Variants in SV2C observed in about 807,000 individuals in gnomAD.
SV2C encodes synaptic vesicle glycoprotein 2C, also known as solute carrier family 22 member B3.
A neutral mutation model predicts 79.7 loss-of-function variants in SV2C; 49 were observed. That is an observed-to-expected ratio of 0.61 (90% CI 0.49 to 0.78). The LOEUF (loss-of-function observed/expected upper bound fraction) is 0.78, where lower values mean the gene tolerates loss of function less well. Ranked by LOEUF, SV2C falls within the 30% of genes least tolerant of loss-of-function variation. The probability of loss-of-function intolerance (pLI) is 0.00; values close to 1 mark genes in which losing one functional copy is unlikely to be tolerated. For missense variants in SV2C, 833 were observed against 912.9 expected (o/e 0.91, Z 1.13); for synonymous variants, 334 against 333.2 (o/e 1.00, Z -0.03).
chr5:75,866,632 A>C, the SV2C span, among the ~76,000 whole-genome samples: 9 of 152,344 alleles, frequency 5.9e-5, no homozygotes, highest in African/African-American at 2.2e-4. Context: ...TCCAGTATGA[A>C]ATGAAGCCTC....
the SV2C span, among the ~76,000 whole-genome samples, chr5:75,912,420 GAGGTCA>G: frequency 6.6e-6 from 1 of 152,160 alleles, no homozygotes; most frequent in African/African-American, 2.4e-5. Flanking sequence ...TTGAGCCTGG[GAGGTCA>G]AGGCTGCAGT....
chr5:76,149,942 C>A (rs1224621959), intron 2 of SV2C, among the ~76,000 whole-genome samples: 1 of 152,042 alleles, frequency 6.6e-6, no homozygotes. Flanking sequence ...TCCCTCCTAG[C>A]TGCATGAAAT....
At chr5:75,942,579 T>C in the SV2C span, among the ~76,000 whole-genome samples, 10 of 152,196 alleles carry the variant, frequency 6.6e-5, no homozygotes, top group Non-Finnish European at 1.3e-4. Flanking sequence ...AATGAACTTA[T>C]GTAAGCTATT....
chr5:76,312,497 C>T (rs2112546180), intron 12 of SV2C, among the ~76,000 whole-genome samples: 1 of 152,330 alleles, frequency 6.6e-6, no homozygotes, highest in African/African-American at 2.4e-5. Context: ...AAGTGATCTG[C>T]CTGCCTCGGC....
the SV2C span, among the ~76,000 whole-genome samples, chr5:76,029,076 C>T: frequency 1.4e-3 from 212 of 152,280 alleles, 4 homozygotes; most frequent in Middle Eastern, 0.024. Flanking sequence ...TCTTATAGAA[C>T]AAGTGTTCTC....
chr5:76,122,342 C>G (rs930011494), intron 1 of SV2C, among the ~76,000 whole-genome samples: 16 of 151,254 alleles, frequency 1.1e-4, no homozygotes, highest in Non-Finnish European at 1.0e-4. Flanking sequence ...TTCCTCTTTT[C>G]CTAATTGAAT....
intron 4 of SV2C, among the ~76,000 whole-genome samples, chr5:76,278,939 AGGG>A (rs1396447389): frequency 6.6e-6 from 1 of 152,242 alleles, no homozygotes; most frequent in African/African-American, 2.4e-5. Flanking sequence ...GCTAAAGGTC[AGGG>A]GAAGGTCCAC....
At chr5:75,941,043 A>G in the SV2C span, among the ~76,000 whole-genome samples, 1 of 152,190 alleles carries the variant, frequency 6.6e-6, no homozygotes, top group South Asian at 2.1e-4. Context: ...AAAGAGCTCA[A>G]TGGCTTTTTC....
the SV2C span, among the ~76,000 whole-genome samples, chr5:75,896,769 G>A: frequency 2.7e-5 from 4 of 148,870 alleles, no homozygotes; most frequent in Non-Finnish European, 4.4e-5. Flanking sequence ...TCTAACTGGT[G>A]TGAGATGGTA....
chr5:75,914,119 T>TA, the SV2C span, among the ~76,000 whole-genome samples: 2 of 152,308 alleles, frequency 1.3e-5, no homozygotes, highest in East Asian at 3.9e-4. Context: ...TAACCCCATA[T>TA]TGTCTTCTCT....
chr5:75,901,608 C>G, the SV2C span, among the ~76,000 whole-genome samples: 1 of 152,374 alleles, frequency 6.6e-6, no homozygotes, highest in African/African-American at 2.4e-5. Context: ...AATCACTGCT[C>G]TCTTCAAAGC....
At chr5:75,865,210 G>A in the SV2C span, among the ~76,000 whole-genome samples, 1 of 152,226 alleles carries the variant, frequency 6.6e-6, no homozygotes, top group Non-Finnish European at 1.5e-5. Flanking sequence ...GAGAGCAACT[G>A]AGGAATAAAG....
At chr5:75,887,776 A>C in the SV2C span, among the ~76,000 whole-genome samples, 1 of 152,164 alleles carries the variant, frequency 6.6e-6, no homozygotes, top group East Asian at 1.9e-4. Context: ...AAAACCCCCC[A>C]AAAACCAAGC....
chr5:76,259,512 A>G (rs1338789447), intron 4 of SV2C, among the ~76,000 whole-genome samples: 1 of 152,136 alleles, frequency 6.6e-6, no homozygotes, highest in African/African-American at 2.4e-5. Context: ...TATGTGTGCC[A>G]TGGTGATTTG....
the SV2C span, among the ~76,000 whole-genome samples, chr5:76,031,276 C>T: frequency 1.3e-5 from 2 of 152,234 alleles, no homozygotes; most frequent in Non-Finnish European, 2.9e-5. Context: ...GCCAGCTACA[C>T]ACCTGATGCC....
chr5:76,345,204 A>C (rs1329993650), intron 12 of SV2C, among the ~76,000 whole-genome samples: 1 of 152,240 alleles, frequency 6.6e-6, no homozygotes, highest in Non-Finnish European at 1.5e-5. Flanking sequence ...AGGCACCAAC[A>C]AACAATGGCT....
At chr5:76,319,002 G>A (rs1257745859) in intron 12 of SV2C, among the ~76,000 whole-genome samples, 1 of 152,196 alleles carries the variant, frequency 6.6e-6, no homozygotes, top group African/African-American at 2.4e-5. Flanking sequence ...TTTCCTTTAA[G>A]TAAGAACAGA....
the SV2C span, among the ~76,000 whole-genome samples, chr5:76,046,036 A>G: frequency 1.4e-4 from 21 of 152,216 alleles, no homozygotes; most frequent in Admixed American, 1.1e-3. Context: ...AGAGCTTACT[A>G]TAGTGGGAAG....
At chr5:76,141,168 T>C (rs1224806570) in intron 2 of SV2C, among the ~76,000 whole-genome samples, 1 of 152,188 alleles carries the variant, frequency 6.6e-6, no homozygotes, top group African/African-American at 2.4e-5. Context: ...GGGTTCACTT[T>C]CACAGGACAG....
Sources: allele counts gnomAD v4.1 joint callset (sites outside exome capture counted in the v4.1 genomes callset), GRCh38; gene constraint gnomAD v4.1.1; transcripts MANE v1.5; gene names NCBI Gene and HGNC (gene_info 2026-07-23, HGNC 2026-07-21).